Variants in POU3F3 observed in about 807,000 individuals in gnomAD.
The protein encoded by POU3F3 is POU domain, class 3, transcription factor 3.
A neutral mutation model predicts 8.6 loss-of-function variants in POU3F3; 1 was observed. That is an observed-to-expected ratio of 0.12 (90% CI 0.04 to 0.55). POU3F3 has a LOEUF of 0.55. Ranked by LOEUF, POU3F3 falls within the 20% of genes least tolerant of loss-of-function variation. POU3F3 has a pLI of 0.91. For missense variants in POU3F3, 577 were observed against 690.7 expected, an observed-to-expected ratio of 0.84 and a Z score of 1.84; for synonymous variants, 418 against 327.4, an observed-to-expected ratio of 1.28 and a Z score of -2.99.
the POU3F3 span, among the ~76,000 whole-genome samples, chr2:104,916,525 T>C: frequency 6.6e-6 from 1 of 152,324 alleles, no homozygotes; most frequent in South Asian, 2.1e-4. Flanking sequence ...GAATCTGCTC[T>C]CAAGCTCACC....
chr2:104,919,789 C>G, the POU3F3 span, among the ~76,000 whole-genome samples: 13 of 151,938 alleles, frequency 8.6e-5, no homozygotes, highest in South Asian at 2.1e-4. Flanking sequence ...TCCTTCCCTT[C>G]CCTTCCTTCC....
chr2:104,880,311 C>A, the POU3F3 span, among the ~76,000 whole-genome samples: 4 of 152,176 alleles, frequency 2.6e-5, no homozygotes, highest in African/African-American at 9.7e-5. Flanking sequence ...CCCTCTCCAA[C>A]GTTAGAGGAG....
chr2:104,872,548 C>A, the POU3F3 span: 212 of 321,010 alleles, frequency 6.6e-4, no homozygotes, highest in African/African-American at 4.5e-3. The surrounding 1 kb of genome is among the most constrained non-coding windows in gnomAD (Gnocchi z 4.6). Context: ...CCCCGCCCTC[C>A]CGGTCCCCGA....
chr2:104,902,962 T>TA, the POU3F3 span, among the ~76,000 whole-genome samples: 8 of 152,200 alleles, frequency 5.3e-5, no homozygotes, highest in African/African-American at 1.9e-4. Flanking sequence ...CTCTGAGAGC[T>TA]AAAAATCTCT....
At chr2:104,896,965 T>A in the POU3F3 span, among the ~76,000 whole-genome samples, 1 of 152,212 alleles carries the variant, frequency 6.6e-6, no homozygotes, top group African/African-American at 2.4e-5. Flanking sequence ...GATGCCCTTT[T>A]TCAGGGGCAG....
the POU3F3 span, among the ~76,000 whole-genome samples, chr2:104,898,222 C>G: frequency 2.6e-5 from 4 of 152,200 alleles, no homozygotes; most frequent in African/African-American, 9.7e-5. Flanking sequence ...GAGCACCTCA[C>G]CAGGTCCCAG....
the POU3F3 span, among the ~76,000 whole-genome samples, chr2:104,912,776 A>G: frequency 8.8e-4 from 134 of 152,304 alleles, no homozygotes; most frequent in African/African-American, 3.1e-3. Flanking sequence ...CGCAGCAGTG[A>G]GCAGCCCCGT....
the POU3F3 span, among the ~76,000 whole-genome samples, chr2:104,920,337 C>T: frequency 1.3e-5 from 2 of 152,176 alleles, no homozygotes; most frequent in Non-Finnish European, 2.9e-5. Flanking sequence ...TTAAAGCAGT[C>T]TCTCAGTCAA....
chr2:104,875,614 A>G, the POU3F3 span, among the ~76,000 whole-genome samples: 1 of 152,264 alleles, frequency 6.6e-6, no homozygotes, highest in African/African-American at 2.4e-5. Flanking sequence ...ATACAATGAA[A>G]TAAGACTTGG....
At chr2:104,920,809 T>C in the POU3F3 span, among the ~76,000 whole-genome samples, 448 of 152,272 alleles carry the variant, frequency 2.9e-3, 1 homozygote, top group African/African-American at 0.01. Context: ...CTTATATAAC[T>C]GTCCAACAGT....
At chr2:104,870,329 C>A in the POU3F3 span, among the ~76,000 whole-genome samples, 1 of 152,232 alleles carries the variant, frequency 6.6e-6, no homozygotes, top group Non-Finnish European at 1.5e-5. Flanking sequence ...CATGGCTTCA[C>A]ATCAAGAGAA....
chr2:104,857,053 C>CCTCCGCAGCCGCCGT lies in POU3F3; in HGVS notation c.*42_*56dup. The CCTCCGCAGCCGCCGT allele has an allele frequency of 7.2e-7, 1 of 1,385,350 alleles. No individual in the cohort carries two copies. The highest frequency in any genetic ancestry group is 9.4e-7 in the Non-Finnish European group (1 of 1,062,020). The allele number at this position is 1,385,350 out of a possible 1,614,324, so 85.8% of individuals were successfully genotyped here. A position where few individuals can be genotyped will look rare whatever the true frequency, so the allele number is the denominator to read the frequency against. On this transcript the variant is annotated 3_prime_UTR_variant, in exon 1 of 1. Transcript: ENST00000361360. ...GCGAAGAGGGCCGCCGCCGCCGCCG[C>CCTCCGCAGCCGCCGT]CTCCGCAGCCGCCGTCAGCACCGCC...
At chr2:104,864,950 G>A in the POU3F3 span, among the ~76,000 whole-genome samples, 4 of 152,210 alleles carry the variant, frequency 2.6e-5, no homozygotes, top group Non-Finnish European at 5.9e-5. Flanking sequence ...CTGTGTGCGC[G>A]CACATGCGTG....
rs781413853 is a variant in POU3F3, at chr2:104,855,795, C to T, written c.285C>T (p.His95=). Residue 95 remains histidine (H), a synonymous_variant, in exon 1 of 1, where the codon CAC becomes CAT. Coordinates refer to ENST00000361360, the MANE Select transcript of POU3F3 (RefSeq NM_006236.3). ...GCGGCCATATGCTGAGCCACGCGCA[C>T]CAGTGGGTCACAGCCCTGCCCCACG... is the stretch of plus-strand genomic sequence containing the variant. ...SNGGHMLSHA[H]QWVTALPHAA... is the part of the protein sequence containing the mutation. 1 of 1,307,424 alleles carries T rather than the reference C, an allele frequency of 7.6e-7. No homozygotes were observed. The highest frequency in any genetic ancestry group is 2.4e-5 in the Admixed American group (1 of 41,676). 81.0% of individuals were successfully genotyped at this position (1,307,424 alleles called of 1,614,324 possible).
At chr2:104,919,682 G>C in the POU3F3 span, among the ~76,000 whole-genome samples, 4 of 152,134 alleles carry the variant, frequency 2.6e-5, no homozygotes, top group East Asian at 7.7e-4. Context: ...TGAAACAATA[G>C]GCTTCAGAAA....
chr2:104,883,771 T>C, the POU3F3 span, among the ~76,000 whole-genome samples: 1 of 152,192 alleles, frequency 6.6e-6, no homozygotes, highest in African/African-American at 2.4e-5. Flanking sequence ...TGGTTCTGAA[T>C]GCTGGGAGGC....
At chr2:104,907,728 T>G in the POU3F3 span, among the ~76,000 whole-genome samples, 1 of 152,190 alleles carries the variant, frequency 6.6e-6, no homozygotes, top group Non-Finnish European at 1.5e-5. Flanking sequence ...GTAATAAAAA[T>G]TTTGCCTCCT....
chr2:104,880,606 C>T, the POU3F3 span, among the ~76,000 whole-genome samples: 4 of 152,200 alleles, frequency 2.6e-5, no homozygotes, highest in Non-Finnish European at 4.4e-5. Context: ...TTCTCAAGTC[C>T]ATTCTGATTT....
chr2:104,909,724 G>A, the POU3F3 span, among the ~76,000 whole-genome samples: 1 of 152,196 alleles, frequency 6.6e-6, no homozygotes, highest in Admixed American at 6.5e-5. Flanking sequence ...TTTACAAAGC[G>A]CAAGTGACTG....
Sources: allele counts gnomAD v4.1 joint callset (sites outside exome capture counted in the v4.1 genomes callset), GRCh38; gene constraint gnomAD v4.1.1; non-coding constraint Gnocchi (gnomAD v3.1); transcripts MANE v1.5; gene names NCBI Gene and HGNC (gene_info 2026-07-23, HGNC 2026-07-21).